The following ARHGEF10 variants were observed in gnomAD, a reference collection of about 807,000 sequenced individuals.
ARHGEF10 encodes Rho guanine nucleotide exchange factor 10, also known as Rho guanine nucleotide exchange factor (GEF) 10.
A neutral mutation model predicts 147.4 loss-of-function variants in ARHGEF10; 140 were observed. The ratio of observed to expected loss-of-function variants is 0.95; its 90% CI spans 0.83 to 1.09. The LOEUF (loss-of-function observed/expected upper bound fraction) is 1.09, where lower values mean the gene tolerates loss of function less well. Among genes scored for constraint, ARHGEF10 ranks in the 50% least tolerant of loss-of-function variants. ARHGEF10 has a pLI of 0.00. For synonymous variants in ARHGEF10, 902 were observed against 695.8 expected, an observed-to-expected ratio of 1.30 and a Z score of -4.67; for missense variants, 2,222 against 1,752.7, an observed-to-expected ratio of 1.27 and a Z score of -4.78.
intron 6 of ARHGEF10, among the ~76,000 whole-genome samples, chr8:1,868,133 T>C (rs1401794218): frequency 1.3e-5 from 2 of 152,224 alleles, no homozygotes; most frequent in Non-Finnish European, 2.9e-5. Context: ...GTAGAAATCT[T>C]TACTGTGGTT....
At chr8:1,934,468 A>C (rs138495143) in intron 26 of ARHGEF10, among the ~76,000 whole-genome samples, 1 of 152,246 alleles carries the variant, frequency 6.6e-6, no homozygotes, top group East Asian at 1.9e-4. Flanking sequence ...ACCTGTGTTC[A>C]CTGGTTATCT....
chr8:1,899,585 A>T (rs925087797), intron 15 of ARHGEF10, among the ~76,000 whole-genome samples: 4 of 152,328 alleles, frequency 2.6e-5, no homozygotes, highest in Middle Eastern at 3.4e-3. Flanking sequence ...ACATACTAAA[A>T]TATCGACATG....
chr8:1,956,687 G>A, intron 28 of ARHGEF10, 62 bp from the exon 29 acceptor site: 2 of 1,602,250 alleles, frequency 1.2e-6, no homozygotes, highest in Non-Finnish European at 1.7e-6. Context: ...TGCACTTTTT[G>A]CTTCCTTGTC....
At chr8:1,905,456 G>C in intron 16 of ARHGEF10, 115 bp from the exon 17 acceptor site, 1 of 1,323,872 alleles carries the variant, frequency 7.6e-7, no homozygotes. Context: ...AACGATTTCC[G>C]TAAAGCGCTC....
chr8:1,869,334 G>C (rs1211747214), intron 7 of ARHGEF10, 84 bp downstream of exon 7: 2 of 1,174,640 alleles, frequency 1.7e-6, no homozygotes, highest in Non-Finnish European at 2.6e-6. Flanking sequence ...TTTAGTGGAC[G>C]GCCCAGACGT....
intron 28 of ARHGEF10, among the ~76,000 whole-genome samples, chr8:1,954,724 C>T (rs78892119): frequency 0.013 from 2,053 of 152,312 alleles, 63 homozygotes; most frequent in East Asian, 0.095. Flanking sequence ...TCAATTATTC[C>T]TTTGGTCCTC....
chr8:1,867,486 T>C (rs913038167), intron 6 of ARHGEF10, among the ~76,000 whole-genome samples: 8 of 152,352 alleles, frequency 5.3e-5, no homozygotes, highest in African/African-American at 1.9e-4. Flanking sequence ...TCTATTTTTA[T>C]GTACATTTAA....
At chr8:1,823,632 C>G (rs1802538707), upstream of ARHGEF10, among the ~76,000 whole-genome samples, 1 of 151,614 alleles carries the variant, frequency 6.6e-6, no homozygotes, top group Non-Finnish European at 1.5e-5. Context: ...GCGGGGAGGG[C>G]ACTCGGTCTG....
chr8:1,925,806 C>T (rs1458733478), intron 22 of ARHGEF10, among the ~76,000 whole-genome samples: 1 of 152,220 alleles, frequency 6.6e-6, no homozygotes, highest in Admixed American at 6.5e-5. Context: ...TTTGCCTTGG[C>T]AGACTCCATC....
chr8:1,851,938 A>G (rs1805186280), intron 2 of ARHGEF10, among the ~76,000 whole-genome samples: 1 of 151,802 alleles, frequency 6.6e-6, no homozygotes, highest in African/African-American at 2.4e-5. Context: ...TTAATAACCA[A>G]ATGGAAATGA....
chr8:1,895,628 T>C (rs1349349732), intron 13 of ARHGEF10, among the ~76,000 whole-genome samples: 2 of 152,208 alleles, frequency 1.3e-5, no homozygotes, highest in Non-Finnish European at 2.9e-5. Flanking sequence ...AATACCTACC[T>C]TCCCAACATT....
At chr8:1,900,152 TGTAA>T (rs1266667377) in intron 15 of ARHGEF10, among the ~76,000 whole-genome samples, 6 of 152,218 alleles carry the variant, frequency 3.9e-5, no homozygotes, top group East Asian at 1.9e-4. Flanking sequence ...TTTGGTTAAA[TGTAA>T]GTAAGTAACT....
At chr8:1,913,911 G>T (rs1811563628) in intron 18 of ARHGEF10, among the ~76,000 whole-genome samples, 1 of 152,216 alleles carries the variant, frequency 6.6e-6, no homozygotes, top group Non-Finnish European at 1.5e-5. Context: ...GAGGGTGAGA[G>T]ACAGCTCCTG....
Position 1,928,471 on chromosome 8 carries a change from G to A in ARHGEF10, c.2742G>A (p.Ser914=), listed in dbSNP as rs778226698. The change falls in exon 24 of 29, where the codon TCG becomes TCA. Residue 914 remains serine (S), a synonymous_variant. Coordinates refer to ENST00000349830, the MANE Select transcript of ARHGEF10 (RefSeq NM_014629.4). ...AAATGGGTCAGATTGCCATCGTCTC[G>A]TTTCAAAATTCCACTCCCAAAGTCA... The part of the protein sequence containing the change: ...THQMGQIAIV[S]FQNSTPKVIE... 8 of 1,613,968 alleles carry A rather than the reference G, an allele frequency of 5.0e-6. No homozygotes were observed. Among genetic ancestry groups the A allele is most frequent in the African/African-American group, 1.3e-5 (1 of 74,876 alleles).
intron 15 of ARHGEF10, among the ~76,000 whole-genome samples, chr8:1,901,016 T>C (rs952841317): frequency 1.3e-5 from 2 of 152,126 alleles, no homozygotes; most frequent in Non-Finnish European, 2.9e-5. Context: ...CGCTGGCGTA[T>C]CCTAGAGTGT....
At chr8:1,872,096 A>G (rs1455058413) in intron 7 of ARHGEF10, among the ~76,000 whole-genome samples, 1 of 152,070 alleles carries the variant, frequency 6.6e-6, no homozygotes, top group African/African-American at 2.4e-5. Flanking sequence ...AGGAAGGAAA[A>G]AGTTGATCAA....
At chr8:1,833,882 T>A (rs1803421887) in intron 1 of ARHGEF10, among the ~76,000 whole-genome samples, 1 of 152,114 alleles carries the variant, frequency 6.6e-6, no homozygotes, top group Non-Finnish European at 1.5e-5. Context: ...CCATGACCCC[T>A]CCCCAAGTGT....
intron 26 of ARHGEF10, among the ~76,000 whole-genome samples, chr8:1,941,536 T>C (rs1188317094): frequency 1.3e-5 from 2 of 152,042 alleles, no homozygotes; most frequent in Non-Finnish European, 2.9e-5. Flanking sequence ...CAGTCCCCAA[T>C]TGGATCTGCA....
chr8:1,888,612 G>A (rs1809019394), intron 11 of ARHGEF10, among the ~76,000 whole-genome samples: 1 of 141,954 alleles, frequency 7.0e-6, no homozygotes, highest in Non-Finnish European at 1.5e-5. Flanking sequence ...TGAGTGTGGT[G>A]AGGTTTGTGA....
Sources: allele counts gnomAD v4.1 joint callset (sites outside exome capture counted in the v4.1 genomes callset), GRCh38; gene constraint gnomAD v4.1.1; transcripts MANE v1.5; gene names NCBI Gene and HGNC (gene_info 2026-07-23, HGNC 2026-07-21).